Variants in PIEZO2 observed in about 807,000 individuals in gnomAD.
PIEZO2 encodes piezo-type mechanosensitive ion channel component 2.
PIEZO2 carries 172 observed loss-of-function variants against 337.3 expected under a neutral mutation model. The ratio of observed to expected loss-of-function variants is 0.51; its 90% CI spans 0.45 to 0.58. PIEZO2 has a LOEUF of 0.58. Ranked by LOEUF, PIEZO2 falls within the 20% of genes least tolerant of loss-of-function variation. The pLI is 0.00. For missense variants in PIEZO2, 3,028 were observed against 3,391.3 expected (o/e 0.89, Z 2.66); for synonymous variants, 1,251 against 1,228.5 (o/e 1.02, Z -0.38).
chr18:10,934,213 A>T (rs2032248446), intron 3 of PIEZO2, among the ~76,000 whole-genome samples: 1 of 152,248 alleles, frequency 6.6e-6, no homozygotes, highest in African/African-American at 2.4e-5. Context: ...TGTTAATTGA[A>T]AACTTGTCAT....
At chr18:10,816,656 C>T (rs1167364844) in intron 7 of PIEZO2, among the ~76,000 whole-genome samples, 1 of 147,852 alleles carries the variant, frequency 6.8e-6, no homozygotes, top group Non-Finnish European at 1.5e-5. Flanking sequence ...ATAGTATTGA[C>T]AATACCCAAA....
Position 11,092,694 on chromosome 18 carries a change from G to T in PIEZO2, c.65-26472C>A, listed in dbSNP as rs2039131310. Among the ~76,000 whole-genome samples the T allele has an allele frequency of 6.6e-6, 1 of 152,122 alleles. No homozygotes were observed. Among genetic ancestry groups the T allele is most frequent in the African/African-American group, 2.4e-5 (1 of 41,426 alleles). On this transcript the variant is annotated intron_variant, in intron 1 of 55. Coordinates refer to ENST00000674853, the MANE Select transcript of PIEZO2 (RefSeq NM_001378183.1). The surrounding 1 kb of genome is among the most constrained non-coding windows in gnomAD (Gnocchi z 4.5). ...GGATCCTGAAAAATGTGAACAAAAAGAGCTTTGTCAAACCAAGAAAGAGGG... is the reference window on the plus strand; with the variant it reads ...GGATCCTGAAAAATGTGAACAAAAATAGCTTTGTCAAACCAAGAAAGAGGG...
intron 52 of PIEZO2, among the ~76,000 whole-genome samples, chr18:10,679,327 C>A (rs577998977): frequency 6.6e-6 from 1 of 152,164 alleles, no homozygotes; most frequent in Non-Finnish European, 1.5e-5. Flanking sequence ...ATCACCTTGC[C>A]TCTCTTCTCT....
intron 5 of PIEZO2, among the ~76,000 whole-genome samples, chr18:10,858,088 G>A (rs1428047549): frequency 6.7e-6 from 1 of 150,030 alleles, no homozygotes; most frequent in Non-Finnish European, 1.5e-5. Flanking sequence ...TTGGGAGGCT[G>A]AGGCGGCCAG....
chr18:10,706,216 GACC>G (rs1275239236), intron 40 of PIEZO2, among the ~76,000 whole-genome samples: 2 of 152,162 alleles, frequency 1.3e-5, no homozygotes, highest in Admixed American at 1.3e-4. Flanking sequence ...GACCCACCCA[GACC>G]ATAAGGGGGG....
intron 36 of PIEZO2, among the ~76,000 whole-genome samples, chr18:10,719,787 T>A (rs183581064): frequency 1.6e-4 from 24 of 152,218 alleles, no homozygotes; most frequent in African/African-American, 5.5e-4. Context: ...TTTTTTGAGG[T>A]TTTAATTTTA....
chr18:10,982,811 C>T lies in PIEZO2; in HGVS notation c.161-3151G>A, dbSNP rs191992071. ...TGTCGGCTTACTGCAACTTCCACCT[C>T]CCAGGTTCAAGCGATTCTTGTGCCT... On this transcript the variant is annotated intron_variant, in intron 2 of 55. Coordinates refer to ENST00000674853, the MANE Select transcript of PIEZO2 (RefSeq NM_001378183.1). This position sits in a 1 kb window ranked among gnomAD's most constrained non-coding sequence, Gnocchi z 4.1. Among the ~76,000 whole-genome samples the T allele has an allele frequency of 4.9e-4, 75 of 152,146 alleles. No individual in the cohort carries two copies. Among genetic ancestry groups the T allele is most frequent in the African/African-American group, 1.4e-3 (58 of 41,506 alleles).
In PIEZO2 at chr18:10,830,066, CA is replaced by C. The variant is rs2040798478; in HGVS notation, c.918-22793del. 6.6e-6 allele frequency among the ~76,000 whole-genome samples: 1 copy of C among 152,044 alleles called. No homozygotes were observed. Among genetic ancestry groups the C allele is most frequent in the Non-Finnish European group, 1.5e-5 (1 of 68,014 alleles). The stretch of plus-strand genomic sequence containing the variant: ...AATTATACTACAGAGCTCTAGTAAC[CA>C]AAACAGTATGGTACTGGCATAAAAA... On this transcript the variant is annotated intron_variant, in intron 7 of 55. Transcript: ENST00000674853. This position sits in a 1 kb window ranked among gnomAD's most constrained non-coding sequence, Gnocchi z 4.7.
At chr18:10,684,518 GC>G (rs2034457559) in intron 49 of PIEZO2, among the ~76,000 whole-genome samples, 1 of 149,722 alleles carries the variant, frequency 6.7e-6, no homozygotes, top group Non-Finnish European at 1.5e-5. Context: ...AGGCTGGGGT[GC>G]GGTGGTGCAG....
At chr18:10,948,635 G>T (rs1568229706) in intron 3 of PIEZO2, among the ~76,000 whole-genome samples, 1 of 152,082 alleles carries the variant, frequency 6.6e-6, no homozygotes, top group East Asian at 1.9e-4. Context: ...AGTGCTGTGG[G>T]GTACTGTGTG....
Position 11,146,391 on chromosome 18 carries a change from G to A in PIEZO2, c.64+2134C>T, listed in dbSNP as rs1252401770. Among the ~76,000 whole-genome samples the A allele has an allele frequency of 6.6e-6, 1 of 152,118 alleles. No individual in the cohort carries two copies. The highest frequency in any genetic ancestry group is 1.9e-4 in the East Asian group (1 of 5,174). On this transcript the variant is annotated intron_variant, in intron 1 of 55. Coordinates refer to ENST00000674853, the MANE Select transcript of PIEZO2 (RefSeq NM_001378183.1). The surrounding 1 kb of genome is among the most constrained non-coding windows in gnomAD (Gnocchi z 6.1). ...TGTGCGGGCACCACAGAAGAAGCTC[G>A]GTGGGGGTCCCAGTGGTGAGAGGCA...
chr18:10,815,111 G>A lies in PIEZO2; in HGVS notation c.918-7837C>T, dbSNP rs114547283. On this transcript the variant is annotated intron_variant, in intron 7 of 55. Transcript: ENST00000674853. This position sits in a 1 kb window ranked among gnomAD's most constrained non-coding sequence, Gnocchi z 4.1. ...TTTTCTTTTTCTTCCATCCCCTACC[G>A]ACCCTTTCCCCACTCTAATGGCATA... Among the ~76,000 whole-genome samples the A allele has an allele frequency of 0.019, 2,846 of 152,142 alleles. 77 individuals carry two copies. The highest frequency in any genetic ancestry group is 0.064 in the African/African-American group (2,663 of 41,506).
chr18:11,060,683 T>C (rs1459579939), intron 2 of PIEZO2, among the ~76,000 whole-genome samples: 2 of 152,150 alleles, frequency 1.3e-5, no homozygotes, highest in Non-Finnish European at 2.9e-5. Flanking sequence ...CCTTGACACA[T>C]ACACCCTCCC....
In PIEZO2 at chr18:11,092,279, G is replaced by C. The variant is rs1568366721; in HGVS notation, c.65-26057C>G. 6.6e-6 allele frequency among the ~76,000 whole-genome samples: 1 copy of C among 152,168 alleles called. No individual in the cohort carries two copies. Among genetic ancestry groups the C allele is most frequent in the African/African-American group, 2.4e-5 (1 of 41,436 alleles). ...GATATTAAGAAAAGTCCATATTATGGAATACTGTTCATCCATTTGAAATTA... is the reference window on the plus strand; with the variant it reads ...GATATTAAGAAAAGTCCATATTATGCAATACTGTTCATCCATTTGAAATTA... On this transcript the variant is annotated intron_variant, in intron 1 of 55. Transcript: ENST00000674853. The surrounding 1 kb of genome is among the most constrained non-coding windows in gnomAD (Gnocchi z 4.5).
At chr18:10,956,803 A>G (rs1483103786) in intron 3 of PIEZO2, among the ~76,000 whole-genome samples, 1 of 151,704 alleles carries the variant, frequency 6.6e-6, no homozygotes, top group Non-Finnish European at 1.5e-5. Context: ...CCCTGTCTCT[A>G]CTAAAAATAC....
intron 3 of PIEZO2, among the ~76,000 whole-genome samples, chr18:10,924,575 G>C (rs916767603): frequency 6.6e-6 from 1 of 152,180 alleles, no homozygotes; most frequent in African/African-American, 2.4e-5. Flanking sequence ...CAAAATGACT[G>C]AGAAAAGTAG....
chr18:10,852,971 G>GA (rs1355848166), intron 7 of PIEZO2, among the ~76,000 whole-genome samples: 13 of 151,788 alleles, frequency 8.6e-5, no homozygotes, highest in South Asian at 2.1e-4. Context: ...CCAATATACA[G>GA]AAAAAAAACA....
chr18:10,713,076 A>G lies in PIEZO2; in HGVS notation c.5423+1688T>C, dbSNP rs979573195. 3.3e-5 allele frequency among the ~76,000 whole-genome samples: 5 copies of G among 152,240 alleles called. No individual in the cohort carries two copies. The East Asian group carries it at 9.6e-4, about 29-fold the overall frequency. Reference sequence around the variant, plus strand: ...AGCAGGCAGGGATACACCCATGCACAGTGTTATCTGCACGAATATTACTTC... The same window carrying G: ...AGCAGGCAGGGATACACCCATGCACGGTGTTATCTGCACGAATATTACTTC... On this transcript the variant is annotated intron_variant, in intron 39 of 55. Transcript: ENST00000674853. This position sits in a 1 kb window ranked among gnomAD's most constrained non-coding sequence, Gnocchi z 4.5.
At chr18:10,989,803 A>C (rs1407929607) in intron 2 of PIEZO2, among the ~76,000 whole-genome samples, 1 of 152,162 alleles carries the variant, frequency 6.6e-6, no homozygotes, top group Non-Finnish European at 1.5e-5. Flanking sequence ...TTTACACCCC[A>C]CAGATTAGAA....
Sources: allele counts gnomAD v4.1 joint callset (sites outside exome capture counted in the v4.1 genomes callset), GRCh38; gene constraint gnomAD v4.1.1; non-coding constraint Gnocchi (gnomAD v3.1); transcripts MANE v1.5; gene names NCBI Gene and HGNC (gene_info 2026-07-23, HGNC 2026-07-21).